The following HDLBP variants were observed in gnomAD, a reference collection of about 807,000 sequenced individuals.
HDLBP encodes high density lipoprotein binding protein.
HDLBP carries 30 observed loss-of-function variants against 137.3 expected under a neutral mutation model. The ratio of observed to expected loss-of-function variants is 0.22; its 90% CI spans 0.16 to 0.30. The LOEUF is 0.30. HDLBP is among the 10% of genes least tolerant of loss of function. The pLI is 1.00. For missense variants in HDLBP, 1,119 were observed against 1,667.3 expected, an observed-to-expected ratio of 0.67 and a Z score of 5.73; for synonymous variants, 606 against 596.0, an observed-to-expected ratio of 1.02 and a Z score of -0.24.
At chr2:241,299,538 A>AAAC (rs2075317632) in intron 1 of HDLBP, among the ~76,000 whole-genome samples, 1 of 150,682 alleles carries the variant, frequency 6.6e-6, no homozygotes, top group Non-Finnish European at 1.5e-5. Flanking sequence ...AAAGAAAGGA[A>AAAC]AACTAAACAC....
chr2:241,315,405 A>C (rs2076027862), intron 1 of HDLBP, 165 bp downstream of exon 1: 1 of 151,882 alleles, frequency 6.6e-6, no homozygotes, highest in South Asian at 2.1e-4. Flanking sequence ...CTTGGAGGAC[A>C]GGAGGAGAGG....
chr2:241,302,239 G>A (rs558934740), intron 1 of HDLBP, among the ~76,000 whole-genome samples: 1 of 152,204 alleles, frequency 6.6e-6, no homozygotes, highest in Non-Finnish European at 1.5e-5. Context: ...ACTAGTGACT[G>A]AGCAAGACCC....
At position 241,266,891 on chromosome 2, in the gene HDLBP, C is replaced by G; in HGVS notation, c.-22G>C. On this transcript the variant is annotated 5_prime_UTR_variant, in exon 3 of 28. Transcript: ENST00000310931. ...TCATGGTTGATCTCACACCTACACACAATCCGGGAAAACCACTAAAGCAAA... is the reference window on the plus strand; with the variant it reads ...TCATGGTTGATCTCACACCTACACAGAATCCGGGAAAACCACTAAAGCAAA... The G allele has an allele frequency of 1.2e-6, 2 of 1,613,488 alleles. No homozygotes were observed. The highest frequency in any genetic ancestry group is 1.1e-5 in the South Asian group (1 of 91,074).
chr2:241,236,453 A>G, intron 21 of HDLBP, 162 bp downstream of exon 21: 1 of 705,902 alleles, frequency 1.4e-6, no homozygotes, highest in South Asian at 1.8e-5. Flanking sequence ...CTCTGTGTCC[A>G]GCCGAGAAGC....
intron 17 of HDLBP, 34 bp downstream of exon 17, chr2:241,242,426 C>T (rs1238327602): frequency 6.3e-7 from 1 of 1,578,282 alleles, no homozygotes; most frequent in Admixed American, 1.7e-5. Flanking sequence ...GACCAGGCTT[C>T]CTGCCAAGAG....
At chr2:241,256,097 G>A in intron 7 of HDLBP, 87 bp downstream of exon 7, 1 of 1,103,830 alleles carries the variant, frequency 9.1e-7, no homozygotes, top group South Asian at 1.3e-5. Context: ...AAGATAAGGG[G>A]CAGAACCAGG....
chr2:241,309,167 C>G (rs894505855), intron 1 of HDLBP, among the ~76,000 whole-genome samples: 2 of 152,224 alleles, frequency 1.3e-5, no homozygotes, highest in Non-Finnish European at 2.9e-5. Context: ...GTGTCCCCCA[C>G]TCCACTCCCC....
Position 241,272,192 on chromosome 2 carries a change from G to A in HDLBP, c.-102-3651C>T, listed in dbSNP as rs1490771074. ...AGACTGACGCGGGCCCCGCGCGGCA[G>A]GTGGAGGTGCTGCGGGGGCCCCGCC... On this transcript the variant is annotated intron_variant, in intron 1 of 27. Transcript: ENST00000310931. This position sits in a 1 kb window ranked among gnomAD's most constrained non-coding sequence, Gnocchi z 5.6. 3.0e-6 allele frequency: 3 copies of A among 985,000 alleles called. No individual in the cohort carries two copies. Among genetic ancestry groups the A allele is most frequent in the Non-Finnish European group, 3.6e-6 (3 of 829,692 alleles). The allele number at this position is 985,000 out of a possible 1,614,324, so 61.0% of individuals were successfully genotyped here. A position where few individuals can be genotyped will look rare whatever the true frequency, so the allele number is the denominator to read the frequency against.
At chr2:241,278,664 A>G (rs2074486773) in intron 1 of HDLBP, among the ~76,000 whole-genome samples, 1 of 152,226 alleles carries the variant, frequency 6.6e-6, no homozygotes, top group Admixed American at 6.5e-5. Flanking sequence ...CCAGGGCAGT[A>G]TGGCAAGAAA....
At chr2:241,278,344 G>A (rs1034779568) in intron 1 of HDLBP, among the ~76,000 whole-genome samples, 5 of 152,316 alleles carry the variant, frequency 3.3e-5, no homozygotes, top group Non-Finnish European at 5.9e-5. Flanking sequence ...AGCACTTTGG[G>A]AGGCTGAGGC....
rs188303631 is a variant in HDLBP at position 241,273,984 on chromosome 2, A to G, written c.-102-5443T>C. ...GGCATAATGGAGGAAATAAATGGCC[A>G]GATTTGGTATATATTCAGAAAGAAG... On this transcript the variant is annotated intron_variant, in intron 1 of 27. Coordinates refer to ENST00000310931, the MANE Select transcript of HDLBP (RefSeq NM_005336.6). 9.4e-4 allele frequency among the ~76,000 whole-genome samples: 143 copies of G among 152,270 alleles called. 1 individual carries two copies. The highest frequency in any genetic ancestry group is 3.1e-3 in the African/African-American group (128 of 41,546).
chr2:241,230,302 C>T lies in HDLBP; in HGVS notation c.3475-33G>A, dbSNP rs779420861. Reference sequence around the variant, plus strand: ...GGGTGTACAACGTCAGATGAGGGGACTCCAAGCGAGGAAAAGGGTTAAAAT... The same window carrying T: ...GGGTGTACAACGTCAGATGAGGGGATTCCAAGCGAGGAAAAGGGTTAAAAT... On this transcript the variant is annotated intron_variant, in intron 25 of 27. Transcript: ENST00000310931. The surrounding 1 kb of genome is among the most constrained non-coding windows in gnomAD (Gnocchi z 5.0). 3.1e-6 allele frequency: 4 copies of T among 1,307,500 alleles called. No homozygotes were observed. Among genetic ancestry groups the T allele is most frequent in the Admixed American group, 4.4e-5 (2 of 45,112 alleles). 81.0% of individuals were successfully genotyped at this position (1,307,500 alleles called of 1,614,324 possible).
intron 2 of HDLBP, chr2:241,268,024 C>G: frequency 1.1e-6 from 1 of 909,482 alleles, no homozygotes; most frequent in Non-Finnish European, 1.3e-6. Flanking sequence ...TCCAGGTGAG[C>G]TCCAAACTAC....
In HDLBP at chr2:241,227,360, T is replaced by C. The variant is rs1370256763; in HGVS notation, c.*2241A>G. 6.6e-6 allele frequency: 1 copy of C among 152,514 alleles called. No homozygotes were observed. The highest frequency in any genetic ancestry group is 2.4e-5 in the African/African-American group (1 of 41,450). 9.4% of individuals were successfully genotyped at this position (152,514 alleles called of 1,614,324 possible). On this transcript the variant is annotated 3_prime_UTR_variant, in exon 28 of 28. Transcript: ENST00000310931. Reference sequence around the variant, plus strand: ...ATCCATATTCATGAGCCTTTACACATGTTTGCATATAATCTCCAAATTCCA... The same window carrying C: ...ATCCATATTCATGAGCCTTTACACACGTTTGCATATAATCTCCAAATTCCA...
chr2:241,303,020 C>A (rs1326768525), intron 1 of HDLBP, among the ~76,000 whole-genome samples: 2 of 152,198 alleles, frequency 1.3e-5, no homozygotes, highest in Non-Finnish European at 2.9e-5. Context: ...GCAGGACTAA[C>A]ACGCAGCACA....
At position 241,234,037 on chromosome 2, in the gene HDLBP, T is replaced by TG. The variant is rs972055083; in HGVS notation, c.3145-75dup. ...CTGTGACTCCATTCCCCTTCCACCC[T>TG]GGTCATAGGACACTGGAGATGCTGC... On this transcript the variant is annotated intron_variant, in intron 23 of 27. Transcript: ENST00000310931. 60 of 1,543,544 alleles carry TG rather than the reference T, an allele frequency of 3.9e-5. No individual in the cohort carries two copies. The African/African-American group carries it at 6.5e-4, about 17-fold the overall frequency.
In HDLBP at chr2:241,279,963, T is replaced by C. The variant is rs1308787052; in HGVS notation, c.-102-11422A>G. The C allele has an allele frequency of 1.5e-5, 15 of 985,370 alleles. No homozygotes were observed. In the East Asian group the frequency reaches 1.1e-3, roughly 74 times the overall value. 61.0% of individuals were successfully genotyped at this position (985,370 alleles called of 1,614,324 possible). A position where few individuals can be genotyped will look rare whatever the true frequency, so the allele number is the denominator to read the frequency against. Reference sequence around the variant, plus strand: ...ATCACCTGACAGGAACCCGCTGCAGTGGAGCCATGCTGAAGGGGTTAGGAG... The same window carrying C: ...ATCACCTGACAGGAACCCGCTGCAGCGGAGCCATGCTGAAGGGGTTAGGAG... On this transcript the variant is annotated intron_variant, in intron 1 of 27. Transcript: ENST00000310931.
At chr2:241,301,540 G>A (rs1575051108) in intron 1 of HDLBP, among the ~76,000 whole-genome samples, 1 of 152,068 alleles carries the variant, frequency 6.6e-6, no homozygotes, top group South Asian at 2.1e-4. Context: ...GCAAATACTG[G>A]GGTGAATACT....
At chr2:241,270,079 G>A (rs776503111) in intron 1 of HDLBP, among the ~76,000 whole-genome samples, 5 of 152,146 alleles carry the variant, frequency 3.3e-5, no homozygotes, top group African/African-American at 1.2e-4. Context: ...AGCCCGCACC[G>A]ACTCTCCAGC....
Sources: gnomAD v4.1 joint callset for allele counts (sites outside exome capture counted in the v4.1 genomes callset) on GRCh38, gnomAD v4.1.1 for gene constraint, Gnocchi (gnomAD v3.1) non-coding constraint, MANE v1.5 for transcripts, NCBI Gene and HGNC (gene_info 2026-07-23, HGNC 2026-07-21) for gene names.